The following TNFRSF10C variants were observed in gnomAD, a reference collection of about 807,000 sequenced individuals.
TNFRSF10C encodes the protein TNF receptor superfamily member 10c, also known as tumor necrosis factor receptor superfamily member 10C.
TNFRSF10C carries 17 observed loss-of-function variants against 16.7 expected under a neutral mutation model. That is an observed-to-expected ratio of 1.02 (90% CI 0.70 to 1.53). The LOEUF is 1.53. TNFRSF10C is among the 40% of genes most tolerant of loss of function. The probability of loss-of-function intolerance (pLI) is 0.00; values close to 1 mark genes in which losing one functional copy is unlikely to be tolerated. For missense variants in TNFRSF10C, 237 were observed against 329.7 expected (o/e 0.72, Z 2.18); for synonymous variants, 73 against 119.7 (o/e 0.61, Z 2.55).
chr8:23,107,655 C>T (rs1197401621), intron 1 of TNFRSF10C, among the ~76,000 whole-genome samples: 2 of 152,260 alleles, frequency 1.3e-5, no homozygotes, highest in East Asian at 3.9e-4. Context: ...AGGTAATTAA[C>T]ATTAAAATGT....
rs547194572 is a variant in TNFRSF10C, at chr8:23,111,645, A to G, written c.61-75A>G. 3.5e-6 allele frequency: 4 copies of G among 1,156,590 alleles called. No individual in the cohort carries two copies. The South Asian group carries it at 5.1e-5, about 15-fold the overall frequency. The allele number at this position is 1,156,590 out of a possible 1,614,324, so 71.6% of individuals were successfully genotyped here. A position where few individuals can be genotyped will look rare whatever the true frequency, so the allele number is the denominator to read the frequency against. Reference sequence around the variant, plus strand: ...TGATGGGTTTTGTCACTTGGGGTGAAGGGAATGTGAGATGGAGCCTGGGAG... The same window carrying G: ...TGATGGGTTTTGTCACTTGGGGTGAGGGGAATGTGAGATGGAGCCTGGGAG... On this transcript the variant is annotated intron_variant, in intron 1 of 4. Coordinates refer to ENST00000356864, the MANE Select transcript of TNFRSF10C (RefSeq NM_003841.5).
Position 23,102,936 on chromosome 8 carries a change from G to A in TNFRSF10C, c.-186G>A, listed in dbSNP as rs1813689592. The A allele has an allele frequency of 6.7e-7, 1 of 1,486,446 alleles. No homozygotes were observed. Among genetic ancestry groups the A allele is most frequent in the African/African-American group, 1.4e-5 (1 of 71,090 alleles). The allele number at this position is 1,486,446 out of a possible 1,614,324, so 92.1% of individuals were successfully genotyped here. A position where few individuals can be genotyped will look rare whatever the true frequency, so the allele number is the denominator to read the frequency against. On this transcript the variant is annotated 5_prime_UTR_variant, in exon 1 of 5. Coordinates refer to ENST00000356864, the MANE Select transcript of TNFRSF10C (RefSeq NM_003841.5). ...CTCCGATTCTGGCAGTGCAGCTGTG[G>A]GAACCTCTCCACGCGCACGAACTCA...
intron 2 of TNFRSF10C, among the ~76,000 whole-genome samples, chr8:23,112,750 A>G (rs1424841599): frequency 2.0e-5 from 3 of 152,180 alleles, no homozygotes; most frequent in African/African-American, 7.2e-5. Context: ...CCATGTCTTG[A>G]CCATTGTAAA....
At chr8:23,104,990 T>G (rs2128829662) in intron 1 of TNFRSF10C, among the ~76,000 whole-genome samples, 1 of 152,310 alleles carries the variant, frequency 6.6e-6, no homozygotes, top group East Asian at 1.9e-4. Context: ...AGCCTGGAGC[T>G]GAGTTCAGTT....
In TNFRSF10C at chr8:23,116,682, G is replaced by A. The variant is rs892046052; in HGVS notation, c.431G>A (p.Trp144Ter). 1 of 1,614,098 alleles carries A rather than the reference G, an allele frequency of 6.2e-7. No homozygotes were observed. Among genetic ancestry groups the A allele is most frequent in the African/African-American group, 1.3e-5 (1 of 74,932 alleles). Residue 144 changes from tryptophan to a stop codon, truncating the protein, a stop_gained, in exon 5 of 5, where the codon TGG becomes TAG. Transcript: ENST00000356864. LOFTEE classifies it low-confidence loss of function (END_TRUNC). Reference protein sequence around the residue: ...GEVQVSNCTSWDDIQCVEEFG... With the variant: ...GEVQVSNCTS ...GTCCAAGTCAGTAATTGTACGTCCT[G>A]GGATGATATCCAGTGTGTTGAAGAA...
chr8:23,116,542 C>A, intron 4 of TNFRSF10C, 99 bp from the exon 5 acceptor site: 1 of 1,476,236 alleles, frequency 6.8e-7, no homozygotes, highest in Non-Finnish European at 9.1e-7. Context: ...TCCCCTGACA[C>A]CTTCTCAGGG....
intron 1 of TNFRSF10C, among the ~76,000 whole-genome samples, chr8:23,103,920 A>C (rs962711925): frequency 2.6e-5 from 4 of 152,048 alleles, no homozygotes; most frequent in South Asian, 2.1e-4. Flanking sequence ...GCCCTTTTTA[A>C]GATTCTTTAT....
Position 23,107,605 on chromosome 8 carries a change from C to T in TNFRSF10C, c.61-4115C>T, listed in dbSNP as rs144435131. On this transcript the variant is annotated intron_variant, in intron 1 of 4. Transcript: ENST00000356864. ...CACATAGATCATGGAAATAGGTATG[C>T]ATAAAAAGTCAGTTTATCCAATTAA... Among the ~76,000 whole-genome samples, 557 of 152,226 alleles carry T rather than the reference C, an allele frequency of 3.7e-3. 2 individuals are homozygous for T. The highest frequency in any genetic ancestry group is 0.01 in the Middle Eastern group (3 of 294).
intron 2 of TNFRSF10C, among the ~76,000 whole-genome samples, chr8:23,112,721 A>G (rs574325035): frequency 6.6e-6 from 1 of 152,340 alleles, no homozygotes; most frequent in South Asian, 2.1e-4. Flanking sequence ...TCATCCATCC[A>G]TGGACACGTA....
At chr8:23,109,162 G>A (rs1438676547) in intron 1 of TNFRSF10C, among the ~76,000 whole-genome samples, 2 of 152,134 alleles carry the variant, frequency 1.3e-5, no homozygotes, top group Non-Finnish European at 1.5e-5. Context: ...CTGCTGAAGG[G>A]TATGTAGTTC....
chr8:23,107,787 C>G (rs990070057), intron 1 of TNFRSF10C, among the ~76,000 whole-genome samples: 1 of 152,084 alleles, frequency 6.6e-6, no homozygotes, highest in Non-Finnish European at 1.5e-5. Flanking sequence ...CACTACAGTT[C>G]AATGGTAGAA....
chr8:23,106,262 C>T (rs1209448291), intron 1 of TNFRSF10C, among the ~76,000 whole-genome samples: 1 of 152,138 alleles, frequency 6.6e-6, no homozygotes, highest in Non-Finnish European at 1.5e-5. Context: ...TGAGATCTCA[C>T]TACCCTTGCC....
intron 4 of TNFRSF10C, 144 bp from the exon 5 acceptor site, chr8:23,116,497 A>C: frequency 8.7e-7 from 1 of 1,154,368 alleles, no homozygotes; most frequent in Non-Finnish European, 1.2e-6. Context: ...CAACGAGGGA[A>C]CTTGGGGGAC....
At chr8:23,103,468 A>G (rs1437280519) in intron 1 of TNFRSF10C, 4 of 574,766 alleles carry the variant, frequency 7.0e-6, no homozygotes, top group Non-Finnish European at 1.2e-5. Flanking sequence ...TGGAACCCAT[A>G]GAGTGAGCCT....
intron 1 of TNFRSF10C, among the ~76,000 whole-genome samples, chr8:23,105,668 C>T (rs1184047597): frequency 1.3e-5 from 2 of 152,200 alleles, no homozygotes; most frequent in African/African-American, 4.8e-5. Context: ...TACTGAGAGG[C>T]CACAGTCCCA....
intron 2 of TNFRSF10C, among the ~76,000 whole-genome samples, chr8:23,114,177 C>A (rs1023810305): frequency 6.6e-6 from 1 of 151,954 alleles, no homozygotes; most frequent in Admixed American, 6.6e-5. Flanking sequence ...GTTTCGGGGG[C>A]TTGGGGAGAC....
At chr8:23,115,461 G>A (rs995009032) in intron 3 of TNFRSF10C, 47 bp from the exon 4 acceptor site, 7 of 1,528,688 alleles carry the variant, frequency 4.6e-6, no homozygotes, top group Non-Finnish European at 6.3e-6. Context: ...AAGATCGAGG[G>A]ATACATCAGG....
chr8:23,107,856 C>A (rs1262948720), intron 1 of TNFRSF10C, among the ~76,000 whole-genome samples: 1 of 152,066 alleles, frequency 6.6e-6, no homozygotes, highest in East Asian at 1.9e-4. Context: ...TGAGATGGGC[C>A]TTAAAAGGAA....
In TNFRSF10C at chr8:23,103,106, C is replaced by T. The variant is rs2128829247; in HGVS notation, c.-16C>T. The T allele has an allele frequency of 6.2e-7, 1 of 1,608,880 alleles. No individual in the cohort carries two copies. Among genetic ancestry groups the T allele is most frequent in the Non-Finnish European group, 8.5e-7 (1 of 1,178,018 alleles). On this transcript the variant is annotated 5_prime_UTR_variant, in exon 1 of 5. Transcript: ENST00000356864. ...GGGTGCGACCCAGGACCCAGGACGGCGTCGGGAACCATACCATGGCCCGGA... is the reference window on the plus strand; with the variant it reads ...GGGTGCGACCCAGGACCCAGGACGGTGTCGGGAACCATACCATGGCCCGGA...
Sources: gnomAD v4.1 joint callset for allele counts (sites outside exome capture counted in the v4.1 genomes callset) on GRCh38, gnomAD v4.1.1 for gene constraint, MANE v1.5 for transcripts, NCBI Gene and HGNC (gene_info 2026-07-23, HGNC 2026-07-21) for gene names.